XPNPEP1: variants seen among roughly 807,000 people sequenced by gnomAD.
The protein encoded by XPNPEP1 is xaa-Pro aminopeptidase 1.
A neutral mutation model predicts 92.4 loss-of-function variants in XPNPEP1; 39 were observed. The observed-to-expected ratio is 0.42, with a 90% CI of 0.33 to 0.55. The LOEUF is 0.55. Among genes scored for constraint, XPNPEP1 ranks in the 20% least tolerant of loss-of-function variants. The pLI is 0.08. For synonymous variants in XPNPEP1, 307 were observed against 299.4 expected, an observed-to-expected ratio of 1.03 and a Z score of -0.26; for missense variants, 654 against 856.1, an observed-to-expected ratio of 0.76 and a Z score of 2.95.
intron 5 of XPNPEP1, among the ~76,000 whole-genome samples, 188 bp from the exon 6 acceptor site, chr10:109,888,783 G>A (rs184559292): frequency 2.0e-5 from 3 of 152,346 alleles, no homozygotes; most frequent in East Asian, 3.9e-4. Context: ...AGGGAGAAGT[G>A]TAAGTTTTTG....
Position 109,868,626 on chromosome 10 carries a change from AAG to A in XPNPEP1, c.1858_1859del (p.Leu620TyrfsTer57). 1 of 1,613,834 alleles carries A rather than the reference AAG, an allele frequency of 6.2e-7. No homozygotes were observed. The highest frequency in any genetic ancestry group is 8.5e-7 in the Non-Finnish European group (1 of 1,179,774). ...IQTKMIDVDSLTDKECDWLNN... is the reference protein window; with the variant it reads ...IQTKMIDVDSXTDKECDWLNN... ...ACTTCCCCATTACCTCTTTGTCTGT[AAG>A]AGAATCCACATCTATCATTTTGGTC... On this transcript the variant is annotated frameshift_variant, in exon 20 of 21. Coordinates refer to ENST00000502935, the MANE Select transcript of XPNPEP1 (RefSeq NM_020383.4). LOFTEE classifies it high-confidence loss of function.
chr10:109,890,400 T>C (rs114199663), intron 5 of XPNPEP1, among the ~76,000 whole-genome samples: 3,893 of 152,278 alleles, frequency 0.026, 85 homozygotes, highest in South Asian at 0.12. Flanking sequence ...ATTTGGAATA[T>C]AGAGGAACAC....
At chr10:109,869,897 T>G (rs961216180) in intron 19 of XPNPEP1, 56 bp downstream of exon 19, 1 of 1,570,052 alleles carries the variant, frequency 6.4e-7, no homozygotes, top group Non-Finnish European at 8.7e-7. Flanking sequence ...ATGAGGTCTA[T>G]CCGAGGCGTG....
rs567440552 is a variant in XPNPEP1 at position 109,883,975 on chromosome 10, C to T, written c.830+92G>A. The T allele has an allele frequency of 3.6e-6, 4 of 1,096,156 alleles. No homozygotes were observed. The South Asian group carries it at 6.2e-5, about 17-fold the overall frequency. 67.9% of individuals were successfully genotyped at this position (1,096,156 alleles called of 1,614,324 possible). A position where few individuals can be genotyped will look rare whatever the true frequency, so the allele number is the denominator to read the frequency against. ...AAAAAGAAGCACATCAGTGAAATAT[C>T]AGGCAGTGATGGGTGGGCCAGGACC... is the stretch of plus-strand genomic sequence containing the variant. On this transcript the variant is annotated intron_variant, in intron 9 of 20. Coordinates refer to ENST00000502935, the MANE Select transcript of XPNPEP1 (RefSeq NM_020383.4).
Position 109,865,217 on chromosome 10 carries a change from G to A in XPNPEP1, c.1968C>T (p.Ile656=), listed in dbSNP as rs771549174. The A allele has an allele frequency of 6.2e-7, 1 of 1,614,160 alleles. No individual in the cohort carries two copies. Among genetic ancestry groups the A allele is most frequent in the African/African-American group, 1.3e-5 (1 of 75,032 alleles). The change falls in exon 21 of 21, where the codon ATC becomes ATT. Residue 656 remains isoleucine, a synonymous_variant. Transcript: ENST00000502935. ...QGRQEALEWL[I]RETQPISKQH ...GTTTGGAGATGGGTTGCGTCTCTCT[G>A]ATGAGCCACTCGAGAGCTTCCTGGC... is the stretch of plus-strand genomic sequence containing the variant.
chr10:109,885,494 C>T (rs7915995), intron 8 of XPNPEP1, among the ~76,000 whole-genome samples: 2 of 152,012 alleles, frequency 1.3e-5, no homozygotes, highest in Non-Finnish European at 1.5e-5. Context: ...TTTTCTCTGA[C>T]GTTGAGATCA....
intron 3 of XPNPEP1, among the ~76,000 whole-genome samples, chr10:109,897,879 C>G (rs1353553440): frequency 6.6e-6 from 1 of 152,074 alleles, no homozygotes; most frequent in Non-Finnish European, 1.5e-5. Context: ...GTCTCGAACT[C>G]CTGACCTCAA....
Position 109,917,306 on chromosome 10 carries a change from A to G in XPNPEP1, c.33-2207T>C, listed in dbSNP as rs571132018. 3.3e-5 allele frequency among the ~76,000 whole-genome samples: 5 copies of G among 152,374 alleles called. No homozygotes were observed. In the South Asian group the frequency reaches 1.0e-3, roughly 32 times the overall value. Reference sequence around the variant, plus strand: ...AAGAATGCAGGATACAAAAATCAATATTTAAAAAATCAATTTGACTTCTAT... The same window carrying G: ...AAGAATGCAGGATACAAAAATCAATGTTTAAAAAATCAATTTGACTTCTAT... On this transcript the variant is annotated intron_variant, in intron 1 of 20. Transcript: ENST00000502935.
At chr10:109,899,696 A>T (rs1889303) in intron 3 of XPNPEP1, among the ~76,000 whole-genome samples, 83,507 of 152,160 alleles carry the variant, frequency 0.55, 25,120 homozygotes, top group East Asian at 0.77. Context: ...GAAAATCTGA[A>T]TCATGTCTTC....
chr10:109,886,998 G>A (rs1486807593), intron 7 of XPNPEP1, among the ~76,000 whole-genome samples: 2 of 152,112 alleles, frequency 1.3e-5, no homozygotes, highest in African/African-American at 4.8e-5. Flanking sequence ...TGGTGCTAGA[G>A]GAGCTCACCC....
At chr10:109,880,717 G>A (rs1848044763) in intron 11 of XPNPEP1, 125 bp downstream of exon 11, 1 of 813,700 alleles carries the variant, frequency 1.2e-6, no homozygotes, top group Non-Finnish European at 1.9e-6. Flanking sequence ...CCTCCTGGAA[G>A]GCCAGGAGGC....
chr10:109,916,881 T>C (rs945526139), intron 1 of XPNPEP1, among the ~76,000 whole-genome samples: 1 of 152,166 alleles, frequency 6.6e-6, no homozygotes, highest in Non-Finnish European at 1.5e-5. Flanking sequence ...AAAATCTACA[T>C]GGTCTTCTCA....
chr10:109,915,230 A>G, intron 1 of XPNPEP1, 131 bp from the exon 2 acceptor site: 1 of 439,004 alleles, frequency 2.3e-6, no homozygotes, highest in Non-Finnish European at 4.0e-6. Flanking sequence ...CCCCATTATC[A>G]GTGGCAGAAT....
intron 8 of XPNPEP1, 39 bp from the exon 9 acceptor site, chr10:109,884,187 T>C: frequency 6.3e-7 from 1 of 1,599,840 alleles, no homozygotes; most frequent in African/African-American, 1.3e-5. Context: ...CTGTCTGACT[T>C]AAGATGTTAA....
chr10:109,899,082 G>T (rs936192535), intron 3 of XPNPEP1, among the ~76,000 whole-genome samples: 2 of 152,210 alleles, frequency 1.3e-5, no homozygotes, highest in Non-Finnish European at 2.9e-5. Flanking sequence ...TGGAGATGTG[G>T]ACTCCTTGTT....
intron 15 of XPNPEP1, among the ~76,000 whole-genome samples, chr10:109,874,651 A>T (rs1049185303): frequency 6.6e-6 from 1 of 152,236 alleles, no homozygotes; most frequent in Non-Finnish European, 1.5e-5. Context: ...ATGGAGCAGC[A>T]CTAAAAGGTC....
Position 109,887,506 on chromosome 10 carries a change from C to T in XPNPEP1, c.652+543G>A, listed in dbSNP as rs568096473. On this transcript the variant is annotated intron_variant, in intron 7 of 20. Coordinates refer to ENST00000502935, the MANE Select transcript of XPNPEP1 (RefSeq NM_020383.4). The stretch of plus-strand genomic sequence containing the variant: ...ACAGCAAGACGCCCTCCCCTGCAGC[C>T]CCACCTCCAGGCCTCTCTCTCTGCC... Among the ~76,000 whole-genome samples the T allele has an allele frequency of 1.4e-4, 21 of 152,284 alleles. No homozygotes were observed. In the South Asian group the frequency reaches 4.3e-3, roughly 32 times the overall value.
chr10:109,890,330 G>T (rs1848628164), intron 5 of XPNPEP1, among the ~76,000 whole-genome samples: 1 of 152,164 alleles, frequency 6.6e-6, no homozygotes, highest in Non-Finnish European at 1.5e-5. Flanking sequence ...CAAGAAGAAA[G>T]TAACAGAGCT....
chr10:109,876,706 G>A (rs951409106), intron 14 of XPNPEP1: 23 of 152,394 alleles, frequency 1.5e-4, no homozygotes, highest in African/African-American at 5.3e-4. Context: ...TTAAAAGGGG[G>A]AAAAAAGTGT....
Sources: allele counts gnomAD v4.1 joint callset (sites outside exome capture counted in the v4.1 genomes callset), GRCh38; gene constraint gnomAD v4.1.1; transcripts MANE v1.5; gene names NCBI Gene and HGNC (gene_info 2026-07-23, HGNC 2026-07-21).